Variants in WDR25 observed in about 807,000 individuals in gnomAD.
WDR25 encodes WD repeat-containing protein 25.
A neutral mutation model predicts 47.7 loss-of-function variants in WDR25; 35 were observed. The ratio of observed to expected loss-of-function variants is 0.73; its 90% CI spans 0.56 to 0.97. The LOEUF (loss-of-function observed/expected upper bound fraction) is 0.97, where lower values mean the gene tolerates loss of function less well. WDR25 is among the 50% of genes least tolerant of loss of function. The pLI, the probability that WDR25 is intolerant of heterozygous loss-of-function variation, is 0.00. For missense variants in WDR25, 634 were observed against 704.7 expected, an observed-to-expected ratio of 0.90 and a Z score of 1.14; for synonymous variants, 248 against 278.9, an observed-to-expected ratio of 0.89 and a Z score of 1.10.
chr14:100,483,970 C>T, intron 3 of WDR25, 24 bp from the exon 4 acceptor site: 1 of 1,598,144 alleles, frequency 6.3e-7, no homozygotes. Context: ...CTTTCTAACC[C>T]TCTCTTCTCT....
chr14:100,467,271 A>G (rs1899663159), intron 2 of WDR25, among the ~76,000 whole-genome samples: 1 of 152,170 alleles, frequency 6.6e-6, no homozygotes, highest in Non-Finnish European at 1.5e-5. Flanking sequence ...CCATGGCAGG[A>G]CAGATGCCAG....
chr14:100,514,366 C>A (rs920809855), intron 4 of WDR25, among the ~76,000 whole-genome samples: 8 of 152,040 alleles, frequency 5.3e-5, no homozygotes, highest in African/African-American at 1.9e-4. Flanking sequence ...GTTATTTGTC[C>A]TGTTTTAATT....
chr14:100,493,036 C>T (rs943654409), intron 4 of WDR25, among the ~76,000 whole-genome samples: 3 of 152,204 alleles, frequency 2.0e-5, no homozygotes, highest in African/African-American at 7.2e-5. Context: ...GTCTTGAACT[C>T]CTGGCCTCAA....
intron 3 of WDR25, among the ~76,000 whole-genome samples, chr14:100,477,098 T>C (rs1270621955): frequency 6.6e-6 from 1 of 152,126 alleles, no homozygotes; most frequent in Non-Finnish European, 1.5e-5. Flanking sequence ...CCCGGCCACA[T>C]GGTTGGTCAC....
At chr14:100,460,894 C>A (rs759649243) in intron 2 of WDR25, among the ~76,000 whole-genome samples, 2 of 152,244 alleles carry the variant, frequency 1.3e-5, no homozygotes, top group Non-Finnish European at 2.9e-5. Context: ...GTAAAACTGC[C>A]TTTATGTGCA....
Position 100,430,660 on chromosome 14 carries a change from C to T in WDR25, c.823-37361C>T, listed in dbSNP as rs1344777592. ...TGAGGACACTGAGGCACAGTGGGAA[C>T]CAGCGGCTGTTATAGGTGACCCAGT... On this transcript the variant is annotated intron_variant, in intron 2 of 6. Transcript: ENST00000402312. The surrounding 1 kb of genome is among the most constrained non-coding windows in gnomAD (Gnocchi z 4.7). 6.6e-6 allele frequency among the ~76,000 whole-genome samples: 1 copy of T among 152,176 alleles called. No homozygotes were observed. Among genetic ancestry groups the T allele is most frequent in the African/African-American group, 2.4e-5 (1 of 41,426 alleles).
chr14:100,473,524 A>C (rs1899915204), intron 3 of WDR25, among the ~76,000 whole-genome samples: 1 of 152,160 alleles, frequency 6.6e-6, no homozygotes, highest in South Asian at 2.1e-4. Context: ...AGAGGATAAC[A>C]TGGGGCCTCT....
rs1292754094 is a variant in WDR25 at position 100,440,600 on chromosome 14, C to T, written c.823-27421C>T. Among the ~76,000 whole-genome samples, 2 of 152,372 alleles carry T rather than the reference C, an allele frequency of 1.3e-5. No homozygotes were observed. Among genetic ancestry groups the T allele is most frequent in the African/African-American group, 4.8e-5 (2 of 41,590 alleles). Reference sequence around the variant, plus strand: ...CTGCTTTGTCCATGTGGAAGGAGCCCAGGCTGCCCTGGCTGCTATACGCAT... The same window carrying T: ...CTGCTTTGTCCATGTGGAAGGAGCCTAGGCTGCCCTGGCTGCTATACGCAT... On this transcript the variant is annotated intron_variant, in intron 2 of 6. Coordinates refer to ENST00000402312, the MANE Select transcript of WDR25 (RefSeq NM_001161476.3). This position sits in a 1 kb window ranked among gnomAD's most constrained non-coding sequence, Gnocchi z 4.4.
chr14:100,520,175 G>A (rs1317912135), intron 4 of WDR25, among the ~76,000 whole-genome samples: 4 of 151,146 alleles, frequency 2.6e-5, no homozygotes, highest in African/African-American at 9.7e-5. Flanking sequence ...TAATCCAGGT[G>A]TTGAGTTTGC....
At chr14:100,415,840 C>T (rs1024394124) in intron 2 of WDR25, among the ~76,000 whole-genome samples, 1 of 152,218 alleles carries the variant, frequency 6.6e-6, no homozygotes, top group African/African-American at 2.4e-5. Context: ...ATGTATGAAG[C>T]TGTGGCAGGC....
intron 2 of WDR25, among the ~76,000 whole-genome samples, chr14:100,417,120 G>C (rs931119369): frequency 1.3e-5 from 2 of 152,200 alleles, no homozygotes; most frequent in Non-Finnish European, 2.9e-5. Context: ...GCTTTGGTGA[G>C]CCGAGCCTGG....
rs1187887090 is a variant in WDR25, at chr14:100,381,700, C to T, written c.776C>T (p.Ser259Phe). The change falls in exon 2 of 7, where the codon TCT (serine) becomes TTT (phenylalanine). Residue 259 changes from serine (S) to phenylalanine (F), a missense_variant. Transcript: ENST00000402312. ...ACCATTCAGTGGTGTCCAGTCCTTTCTAAGAGCCACATGCTTCTCTCCACT... is the reference window on the plus strand; with the variant it reads ...ACCATTCAGTGGTGTCCAGTCCTTTTTAAGAGCCACATGCTTCTCTCCACT... ...VNTIQWCPVL[S>F]KSHMLLSTSM... The T allele has an allele frequency of 3.1e-6, 5 of 1,612,108 alleles. No homozygotes were observed. Among genetic ancestry groups the T allele is most frequent in the Middle Eastern group, 1.6e-4 (1 of 6,064 alleles).
At chr14:100,396,267 C>T (rs1304138535) in intron 2 of WDR25, among the ~76,000 whole-genome samples, 3 of 152,152 alleles carry the variant, frequency 2.0e-5, no homozygotes, top group Admixed American at 6.5e-5. Context: ...TGAACCACTG[C>T]GCCCGGCCGA....
intron 2 of WDR25, among the ~76,000 whole-genome samples, chr14:100,395,534 T>C (rs1486130494): frequency 6.6e-6 from 1 of 152,210 alleles, no homozygotes; most frequent in African/African-American, 2.4e-5. Flanking sequence ...GCATTTGAAC[T>C]CACCTTTGCT....
chr14:100,530,178 T>C lies in WDR25; in HGVS notation c.*137T>C. On this transcript the variant is annotated 3_prime_UTR_variant, in exon 7 of 7. Coordinates refer to ENST00000402312, the MANE Select transcript of WDR25 (RefSeq NM_001161476.3). ...CCTTCTGAGCCTCAGTTTCCTCATC[T>C]GTAAAGTGGGGAGAAAAGTCTGTTT... The C allele has an allele frequency of 1.1e-6, 1 of 880,110 alleles. No homozygotes were observed. Among genetic ancestry groups the C allele is most frequent in the South Asian group, 1.8e-5 (1 of 57,024 alleles). 54.5% of individuals were successfully genotyped at this position (880,110 alleles called of 1,614,324 possible).
chr14:100,529,615 T>C lies in WDR25; in HGVS notation c.1414-205T>C. On this transcript the variant is annotated intron_variant, in intron 6 of 6. Transcript: ENST00000402312. The surrounding 1 kb of genome is among the most constrained non-coding windows in gnomAD (Gnocchi z 5.1). ...GGGCTGGAGCTGGTCCCGCTGGATCTGCTGAACTGGCCTTGGGATGTGGGC... is the reference window on the plus strand; with the variant it reads ...GGGCTGGAGCTGGTCCCGCTGGATCCGCTGAACTGGCCTTGGGATGTGGGC... 1.6e-6 allele frequency: 1 copy of C among 630,792 alleles called. No individual in the cohort carries two copies. The highest frequency in any genetic ancestry group is 2.7e-6 in the Non-Finnish European group (1 of 366,138). 39.1% of individuals were successfully genotyped at this position (630,792 alleles called of 1,614,324 possible).
intron 4 of WDR25, among the ~76,000 whole-genome samples, chr14:100,489,199 G>A (rs1337668426): frequency 6.6e-6 from 1 of 152,264 alleles, no homozygotes; most frequent in East Asian, 1.9e-4. Flanking sequence ...GGCCATCAAA[G>A]CACTGTAGTT....
At chr14:100,386,215 G>A (rs993229292) in intron 2 of WDR25, among the ~76,000 whole-genome samples, 21 of 152,324 alleles carry the variant, frequency 1.4e-4, no homozygotes, top group Middle Eastern at 3.4e-3. Flanking sequence ...CTTTAATGAT[G>A]CAGGAAATAT....
chr14:100,503,935 T>A (rs1272902841), intron 4 of WDR25: 1 of 152,218 alleles, frequency 6.6e-6, no homozygotes, highest in African/African-American at 2.4e-5. Flanking sequence ...AAAGAAACTT[T>A]TTATTATTGA....
Sources: allele counts gnomAD v4.1 joint callset (sites outside exome capture counted in the v4.1 genomes callset), GRCh38; gene constraint gnomAD v4.1.1; non-coding constraint Gnocchi (gnomAD v3.1); transcripts MANE v1.5; gene names NCBI Gene and HGNC (gene_info 2026-07-23, HGNC 2026-07-21).